The following ITGB7 variants were observed in gnomAD, a reference collection of about 807,000 sequenced individuals.
ITGB7 encodes the protein integrin subunit beta 7, also known as integrin beta-7.
A neutral mutation model predicts 83.4 loss-of-function variants in ITGB7; 55 were observed. That is an observed-to-expected ratio of 0.66 (90% CI 0.53 to 0.83). ITGB7 has a LOEUF of 0.83. Among genes scored for constraint, ITGB7 ranks in the 40% least tolerant of loss-of-function variants. The pLI is 0.00. For missense variants in ITGB7, 921 were observed against 1,046.7 expected, an observed-to-expected ratio of 0.88 and a Z score of 1.66; for synonymous variants, 454 against 423.6, an observed-to-expected ratio of 1.07 and a Z score of -0.88.
chr12:53,196,999 C>T (rs1273392422), intron 5 of ITGB7, 179 bp from the exon 6 acceptor site: 4 of 663,944 alleles, frequency 6.0e-6, no homozygotes, highest in Non-Finnish European at 1.0e-5. Flanking sequence ...AGGGAAGTGG[C>T]AGGTAGAAGA....
chr12:53,193,619 TGG>T, intron 11 of ITGB7, 87 bp downstream of exon 11: 1 of 1,161,274 alleles, frequency 8.6e-7, no homozygotes, highest in Non-Finnish European at 1.2e-6. Flanking sequence ...GAGACTCCTG[TGG>T]GGGGGATGGA....
intron 3 of ITGB7, among the ~76,000 whole-genome samples, chr12:53,198,755 C>A (rs1432476017): frequency 6.6e-6 from 1 of 152,210 alleles, no homozygotes; most frequent in Non-Finnish European, 1.5e-5. Context: ...CCAGCAAGCT[C>A]ACACCAAAAT....
At chr12:53,192,968 A>G (rs1942017765) in intron 12 of ITGB7, 58 bp from the exon 13 acceptor site, 3 of 1,543,754 alleles carry the variant, frequency 1.9e-6, no homozygotes, top group Non-Finnish European at 8.9e-7. Context: ...GTTGGCCATC[A>G]TGTGGCACGA....
At chr12:53,197,983 G>C in intron 3 of ITGB7, 32 bp from the exon 4 acceptor site, 2 of 1,515,866 alleles carry the variant, frequency 1.3e-6, no homozygotes, top group Non-Finnish European at 1.8e-6. Context: ...GTCGGGACCC[G>C]GTCCTGCATA....
chr12:53,203,808 G>A (rs1017909799), intron 1 of ITGB7, among the ~76,000 whole-genome samples: 8 of 152,112 alleles, frequency 5.3e-5, no homozygotes, highest in South Asian at 2.1e-4. Flanking sequence ...ATACATTACC[G>A]TGTAAGGAAT....
At chr12:53,195,541 A>T in intron 8 of ITGB7, 78 bp from the exon 9 acceptor site, 1 of 1,514,564 alleles carries the variant, frequency 6.6e-7, no homozygotes, top group South Asian at 1.1e-5. Flanking sequence ...GAAGGAGGGC[A>T]TATGGGGGAC....
intron 9 of ITGB7, 167 bp from the exon 10 acceptor site, chr12:53,194,511 G>T (rs1942088769): frequency 1.6e-6 from 1 of 631,356 alleles, no homozygotes; most frequent in African/African-American, 1.8e-5. Flanking sequence ...GGACCCGTGA[G>T]AACCTTGCAT....
At chr12:53,195,341 C>G in intron 9 of ITGB7, 33 bp downstream of exon 9, 3 of 1,497,644 alleles carry the variant, frequency 2.0e-6, no homozygotes, top group South Asian at 1.1e-5. Context: ...CTAGTGCCCA[C>G]CCTCACCATC....
chr12:53,200,408 C>T lies in ITGB7; in HGVS notation c.36G>A (p.Leu12=), dbSNP rs773279347. ...ATTCACTCTCACCTCTGCTCAGGAC[C>T]AGCAGCAAAACAAGGACCATTGGCA... is the stretch of plus-strand genomic sequence containing the variant. ...VALPMVLVLL[L]VLSRGESELD... is the part of the protein sequence containing the mutation. The change falls in exon 3 of 16, where the codon CTG becomes CTA. Residue 12 remains leucine (L), a synonymous_variant. Transcript: ENST00000267082. The T allele has an allele frequency of 1.9e-6, 3 of 1,614,042 alleles. No homozygotes were observed. In the African/African-American group the frequency reaches 4.0e-5, roughly 22 times the overall value.
At position 53,197,772 on chromosome 12, in the gene ITGB7, C is replaced by T; in HGVS notation, c.381G>A (p.Arg127=). The T allele has an allele frequency of 2.6e-6, 4 of 1,565,824 alleles. No individual in the cohort carries two copies. The highest frequency in any genetic ancestry group is 3.5e-6 in the Non-Finnish European group (4 of 1,158,296). The part of the protein sequence containing the change: ...GEGATQLAPQ[R]VRVTLRPGEP... ...CACCAGGCCGCAGCGTGACCCGGACCCGCTGCGGCGCCAGCTGGGTGGCAC... is the reference window on the plus strand; with the variant it reads ...CACCAGGCCGCAGCGTGACCCGGACTCGCTGCGGCGCCAGCTGGGTGGCAC... Residue 127 remains arginine (R), a synonymous_variant, in exon 4 of 16, where the codon CGG becomes CGA. Transcript: ENST00000267082.
chr12:53,199,662 G>C (rs1160828088), intron 3 of ITGB7, among the ~76,000 whole-genome samples: 1 of 151,898 alleles, frequency 6.6e-6, no homozygotes, highest in Non-Finnish European at 1.5e-5. Flanking sequence ...TACAAGAAGA[G>C]AGGCAGTTCC....
chr12:53,193,474 A>G (rs1942041307), intron 11 of ITGB7, 111 bp from the exon 12 acceptor site: 9 of 837,980 alleles, frequency 1.1e-5, no homozygotes, highest in East Asian at 2.7e-5. Flanking sequence ...GAGACAGACA[A>G]ACAGCTGAAA....
Position 53,193,781 on chromosome 12 carries a change from TAC to T in ITGB7, c.1427_1428del (p.Cys476Ter), listed in dbSNP as rs753926515. ...LIVELHTLCD[C>X]NCSDTQPQAP... is the part of the protein sequence containing the mutation. ...GCCTGGGGCTGGGTGTCACTGCAATTACAGTCACACAGCGTGTGCAACTCCAC... is the reference window on the plus strand; with the variant it reads ...GCCTGGGGCTGGGTGTCACTGCAATTAGTCACACAGCGTGTGCAACTCCAC... On this transcript the variant is annotated frameshift_variant, in exon 11 of 16. Coordinates refer to ENST00000267082, the MANE Select transcript of ITGB7 (RefSeq NM_000889.3). LOFTEE classifies it high-confidence loss of function. The T allele has an allele frequency of 2.5e-5, 40 of 1,613,834 alleles. No individual in the cohort carries two copies. Among genetic ancestry groups the T allele is most frequent in the Non-Finnish European group, 3.2e-5 (38 of 1,179,976 alleles).
chr12:53,202,759 A>C (rs1942349234), intron 1 of ITGB7, among the ~76,000 whole-genome samples: 1 of 152,020 alleles, frequency 6.6e-6, no homozygotes, highest in African/African-American at 2.4e-5. Context: ...TCAGGAGTTC[A>C]AGACCAGCCT....
chr12:53,192,801 G>A lies in ITGB7; in HGVS notation c.1836C>T (p.Leu612=), dbSNP rs770903705. 4.3e-6 allele frequency: 7 copies of A among 1,614,116 alleles called. No individual in the cohort carries two copies. The highest frequency in any genetic ancestry group is 5.9e-6 in the Non-Finnish European group (7 of 1,180,052). The change falls in exon 13 of 16, where the codon CTC becomes CTT. Residue 612 remains leucine, a synonymous_variant. Coordinates refer to ENST00000267082, the MANE Select transcript of ITGB7 (RefSeq NM_000889.3). The part of the protein sequence containing the change: ...MDSCISPEGG[L]CSGHGRCKCN... Reference sequence around the variant, plus strand: ...ATTTGCAGCGTCCATGCCCACTGCAGAGCCCTCCCTCGGGACTGATGCAAC... The same window carrying A: ...ATTTGCAGCGTCCATGCCCACTGCAAAGCCCTCCCTCGGGACTGATGCAAC...
In ITGB7 at chr12:53,192,840, A is replaced by G; in HGVS notation, c.1797T>C (p.Ser599=). Residue 599 remains serine, a synonymous_variant, in exon 13 of 16, where the codon AGT becomes AGC. Transcript: ENST00000267082. ...GACTGATGCAACTGTCCATGTCCCC[A>G]CTGCATTCGCATGCTCTGCCCGTGC... ...ANRTGRACEC[S]GDMDSCISPE... The G allele has an allele frequency of 6.2e-7, 1 of 1,614,204 alleles. No homozygotes were observed.
At chr12:53,202,508 C>T (rs891784129) in intron 1 of ITGB7, among the ~76,000 whole-genome samples, 5 of 151,908 alleles carry the variant, frequency 3.3e-5, no homozygotes, top group African/African-American at 4.8e-5. Context: ...GCATGCGCCA[C>T]CACACCCGAC....
chr12:53,195,796 A>T (rs1360426252), intron 7 of ITGB7, 75 bp from the exon 8 acceptor site: 2 of 1,307,704 alleles, frequency 1.5e-6, no homozygotes, highest in African/African-American at 2.9e-5. Flanking sequence ...CAGCCCAGGG[A>T]ATCCAGGAAC....
Position 53,196,143 on chromosome 12 carries a change from T to C in ITGB7, c.873A>G (p.Thr291=). The change falls in exon 7 of 16, where the codon ACA becomes ACG. Residue 291 remains threonine, a synonymous_variant. Transcript: ENST00000267082. Reference sequence around the variant, plus strand: ...ACTTCCCGTCCCCAGCTGTATGGAATGTGTCGTCTGAAGTGAACACCAGCA... The same window carrying C: ...ACTTCCCGTCCCCAGCTGTATGGAACGTGTCGTCTGAAGTGAACACCAGCA... ...SRLLVFTSDD[T]FHTAGDGKLG... is the part of the protein sequence containing the mutation. 1.2e-6 allele frequency: 2 copies of C among 1,614,188 alleles called. No homozygotes were observed. The highest frequency in any genetic ancestry group is 1.7e-6 in the Non-Finnish European group (2 of 1,180,014).
Sources: gnomAD v4.1 joint callset for allele counts (sites outside exome capture counted in the v4.1 genomes callset) on GRCh38, gnomAD v4.1.1 for gene constraint, MANE v1.5 for transcripts, NCBI Gene and HGNC (gene_info 2026-07-23, HGNC 2026-07-21) for gene names.